The following MAP2K6 variants were observed in gnomAD, a reference collection of about 807,000 sequenced individuals.
MAP2K6 encodes mitogen-activated protein kinase kinase 6.
MAP2K6 carries 16 observed loss-of-function variants against 53.7 expected under a neutral mutation model. The observed-to-expected ratio is 0.30, with a 90% confidence interval of 0.20 to 0.45. The LOEUF (loss-of-function observed/expected upper bound fraction) is 0.45. Among genes scored for constraint, MAP2K6 ranks in the 20% least tolerant of loss-of-function variants. MAP2K6 has a pLI of 1.00. For missense variants in MAP2K6, 204 were observed against 411.9 expected, an observed-to-expected ratio of 0.50 and a Z score of 4.37; for synonymous variants, 132 against 143.1, an observed-to-expected ratio of 0.92 and a Z score of 0.55.
chr17:69,434,006 G>C (rs866875274), intron 1 of MAP2K6: 1 of 152,188 alleles, frequency 6.6e-6, no homozygotes, highest in South Asian at 2.1e-4. Context: ...CCAGCAGCTA[G>C]ATTAGCATCA....
rs111713894 is a variant in MAP2K6 at position 69,438,814 on chromosome 17, G to A, written c.16+23814G>A. ...TGCCCAGGCTGATATTGAACTCCTC[G>A]GCTCAAGAGGTCTTTCCACCTTAGC... is the stretch of plus-strand genomic sequence containing the variant. On this transcript the variant is annotated intron_variant, in intron 1 of 11. Coordinates refer to ENST00000590474, the MANE Select transcript of MAP2K6 (RefSeq NM_002758.4). Among the ~76,000 whole-genome samples the A allele has an allele frequency of 5.7e-3, 873 of 152,176 alleles. 9 individuals are homozygous for A. Among genetic ancestry groups the A allele is most frequent in the African/African-American group, 0.019 (781 of 41,488 alleles).
chr17:69,441,600 G>A (rs183321720), intron 1 of MAP2K6, among the ~76,000 whole-genome samples: 10 of 152,224 alleles, frequency 6.6e-5, no homozygotes, highest in South Asian at 4.1e-4. Flanking sequence ...CTTCTGTGTC[G>A]TTTCAATATT....
chr17:69,449,555 T>TTG lies in MAP2K6; in HGVS notation c.16+34556_16+34557insGT, dbSNP rs1413944690. Among the ~76,000 whole-genome samples the TTG allele has an allele frequency of 4.0e-3, 407 of 101,948 alleles. 1 individual carries two copies. Among genetic ancestry groups the TTG allele is most frequent in the African/African-American group, 0.015 (283 of 18,312 alleles). 66.9% of individuals were successfully genotyped at this position (101,948 alleles called of 152,430 possible). On this transcript the variant is annotated intron_variant, in intron 1 of 11. Transcript: ENST00000590474. ...TGTCTTTCTTTCTTTCTTTCTTTCT[T>TTG]TCTTTATTTCTTTCTTTCTTTCTTT...
At chr17:69,444,790 C>T (rs1906921812) in intron 1 of MAP2K6, among the ~76,000 whole-genome samples, 1 of 152,204 alleles carries the variant, frequency 6.6e-6, no homozygotes. Context: ...AGTCACCAAA[C>T]ATAAAAGGGA....
intron 1 of MAP2K6, among the ~76,000 whole-genome samples, chr17:69,454,395 C>G (rs111647484): frequency 6.6e-6 from 1 of 152,160 alleles, no homozygotes; most frequent in Non-Finnish European, 1.5e-5. Flanking sequence ...TTCTTTCTTT[C>G]TTTTTCTGAG....
intron 1 of MAP2K6, among the ~76,000 whole-genome samples, chr17:69,420,832 T>G (rs867374266): frequency 6.6e-6 from 1 of 152,262 alleles, no homozygotes; most frequent in Non-Finnish European, 1.5e-5. Context: ...GATGGTATAA[T>G]GAGCAGGGGT....
chr17:69,451,391 C>T (rs936188456), intron 1 of MAP2K6, among the ~76,000 whole-genome samples: 1 of 152,218 alleles, frequency 6.6e-6, no homozygotes, highest in Admixed American at 6.5e-5. Context: ...TGATTGTGAC[C>T]CCTTGATGCG....
At chr17:69,418,646 T>A (rs1905979214) in intron 1 of MAP2K6, among the ~76,000 whole-genome samples, 1 of 152,230 alleles carries the variant, frequency 6.6e-6, no homozygotes, top group Non-Finnish European at 1.5e-5. Context: ...TTTATATATT[T>A]CTACATTCAT....
chr17:69,463,695 T>TAC (rs1396949510), intron 1 of MAP2K6, among the ~76,000 whole-genome samples: 1 of 151,286 alleles, frequency 6.6e-6, no homozygotes, highest in African/African-American at 2.4e-5. Flanking sequence ...CACACATATA[T>TAC]ACACACAAAT....
intron 1 of MAP2K6, among the ~76,000 whole-genome samples, chr17:69,469,490 G>A (rs1335634982): frequency 6.6e-6 from 1 of 152,196 alleles, no homozygotes; most frequent in Non-Finnish European, 1.5e-5. Flanking sequence ...GGGTCCAGGT[G>A]CGGTGGTGCA....
intron 1 of MAP2K6, among the ~76,000 whole-genome samples, chr17:69,471,856 A>G (rs1907992334): frequency 6.6e-6 from 1 of 152,248 alleles, no homozygotes; most frequent in Non-Finnish European, 1.5e-5. Flanking sequence ...TACTTGACAC[A>G]AAATATAAAG....
At chr17:69,508,678 C>A (rs1191447094) in intron 2 of MAP2K6, among the ~76,000 whole-genome samples, 3 of 152,200 alleles carry the variant, frequency 2.0e-5, no homozygotes, top group Admixed American at 1.3e-4. Context: ...ACAGATCATG[C>A]TTTTGATAAT....
intron 1 of MAP2K6, among the ~76,000 whole-genome samples, chr17:69,481,881 A>G (rs1409456117): frequency 6.6e-6 from 1 of 152,206 alleles, no homozygotes; most frequent in African/African-American, 2.4e-5. Context: ...TTGGCCCATG[A>G]TACCCCACTT....
rs117703031 is a variant in MAP2K6 at position 69,529,433 on chromosome 17, C to T, written c.881+2724C>T. Among the ~76,000 whole-genome samples, 688 of 151,778 alleles carry T rather than the reference C, an allele frequency of 4.5e-3. 1 individual carries two copies. The highest frequency in any genetic ancestry group is 6.9e-3 in the Non-Finnish European group (468 of 67,972). ...TTTTTTCTCTTACTGGAATTTTCTC[C>T]GAAGAATCAGAGCATTGAAACTTTT... On this transcript the variant is annotated intron_variant, in intron 10 of 11. Coordinates refer to ENST00000590474, the MANE Select transcript of MAP2K6 (RefSeq NM_002758.4).
rs1366507472 is a variant in MAP2K6, at chr17:69,494,986, CAA to C, written c.17-10793_17-10792del. On this transcript the variant is annotated intron_variant, in intron 1 of 11. Coordinates refer to ENST00000590474, the MANE Select transcript of MAP2K6 (RefSeq NM_002758.4). The surrounding 1 kb of genome is among the most constrained non-coding windows in gnomAD (Gnocchi z 4.2). ...CGACATTGCACTCCAGCCTGGGCAA[CAA>C]GAGCGAAACTCTGTCTAGAAAAAAA... Among the ~76,000 whole-genome samples, 1 of 150,058 alleles carries C rather than the reference CAA, an allele frequency of 6.7e-6. No individual in the cohort carries two copies. The highest frequency in any genetic ancestry group is 1.5e-5 in the Non-Finnish European group (1 of 67,710).
intron 1 of MAP2K6, chr17:69,504,452 T>G (rs934413369): frequency 3.3e-5 from 5 of 152,204 alleles, no homozygotes; most frequent in Non-Finnish European, 5.9e-5. Flanking sequence ...ATTTATTGTA[T>G]TTTTAGTAGA....
intron 2 of MAP2K6, among the ~76,000 whole-genome samples, chr17:69,511,340 G>C (rs1909797727): frequency 6.6e-6 from 1 of 152,112 alleles, no homozygotes; most frequent in Non-Finnish European, 1.5e-5. Context: ...CACATTTTGT[G>C]TTTTTCTTGG....
Position 69,457,667 on chromosome 17 carries a change from C to T in MAP2K6, c.16+42667C>T, listed in dbSNP as rs976091562. On this transcript the variant is annotated intron_variant, in intron 1 of 11. Transcript: ENST00000590474. ...CAAACAAACAAAAATTAGCTGGGCA[C>T]GGTGGCCTGTGCCTGGAATCTCAGC... 1.3e-4 allele frequency among the ~76,000 whole-genome samples: 20 copies of T among 152,230 alleles called. No homozygotes were observed. In the East Asian group the frequency reaches 2.9e-3, roughly 22 times the overall value.
At chr17:69,459,648 G>A (rs1271467178) in intron 1 of MAP2K6, among the ~76,000 whole-genome samples, 1 of 144,990 alleles carries the variant, frequency 6.9e-6, no homozygotes, top group Non-Finnish European at 1.5e-5. Flanking sequence ...AAAGGCGGAG[G>A]CTGCAGTGAG....
Sources: gnomAD v4.1 joint callset for allele counts (sites outside exome capture counted in the v4.1 genomes callset) on GRCh38, gnomAD v4.1.1 for gene constraint, Gnocchi (gnomAD v3.1) non-coding constraint, MANE v1.5 for transcripts, NCBI Gene and HGNC (gene_info 2026-07-23, HGNC 2026-07-21) for gene names.